Variants in MAGT1 observed in about 807,000 individuals in gnomAD.
MAGT1 encodes the protein magnesium transporter 1, also known as dolichyl-diphosphooligosaccharide--protein glycosyltransferase subunit MAGT1.
Under a neutral mutation model 28.4 loss-of-function variants are expected in MAGT1, and 4 were observed. The observed-to-expected ratio is 0.14, with a 90% CI of 0.07 to 0.32. The LOEUF (loss-of-function observed/expected upper bound fraction) is 0.32, where lower values mean the gene tolerates loss of function less well. Among genes scored for constraint, MAGT1 ranks in the 10% least tolerant of loss-of-function variants. The pLI, the probability that MAGT1 is intolerant of heterozygous loss-of-function variation, is 1.00. For synonymous variants in MAGT1, 89 were observed against 89.7 expected, an observed-to-expected ratio of 0.99 and a Z score of 0.04; for missense variants, 193 against 264.5, an observed-to-expected ratio of 0.73 and a Z score of 1.88.
chrX:77,845,805 A>C (rs1267448989), intron 7 of MAGT1, among the ~76,000 whole-genome samples: 2 of 112,015 alleles, frequency 1.8e-5, no homozygotes, highest in Non-Finnish European at 3.8e-5. Flanking sequence ...CTGAGAGATC[A>C]GCTGTTAGTC....
chrX:77,842,895 G>A (rs1355952309), intron 7 of MAGT1, among the ~76,000 whole-genome samples: 2 of 111,989 alleles, frequency 1.8e-5, no homozygotes, highest in Non-Finnish European at 3.8e-5. Context: ...CAGCTTAATA[G>A]GAGCTGCATA....
chrX:77,849,591 C>T (rs1603360912), intron 7 of MAGT1, among the ~76,000 whole-genome samples: 1 of 110,794 alleles, frequency 9.0e-6, no homozygotes, highest in East Asian at 2.9e-4. Context: ...TCAAACTGGA[C>T]TGGGCACCGT....
chrX:77,836,986 A>G lies in MAGT1; in HGVS notation c.901+4260T>C, dbSNP rs149821485. ...GTATCCTCCTCTTTTCATACATCTA[A>G]AAGTGCTTAGAGCAGTTCCCAGAAC... On this transcript the variant is annotated intron_variant, in intron 8 of 9. Coordinates refer to ENST00000618282, the MANE Select transcript of MAGT1 (RefSeq NM_001367916.1). Among the ~76,000 whole-genome samples, 9 of 112,228 alleles carry G rather than the reference A, an allele frequency of 8.0e-5. No homozygotes were observed. The East Asian group carries it at 2.5e-3, about 31-fold the overall frequency.
Position 77,827,291 on chromosome X carries a change from C to T in MAGT1, c.*1929G>A, listed in dbSNP as rs1045209122. Reference sequence around the variant, plus strand: ...TAAAAAAAATCCCTTCAAATTGGTACTTTGTTTCTCCACCTAAAGGAAGAG... The same window carrying T: ...TAAAAAAAATCCCTTCAAATTGGTATTTTGTTTCTCCACCTAAAGGAAGAG... On this transcript the variant is annotated 3_prime_UTR_variant, in exon 10 of 10. Coordinates refer to ENST00000618282, the MANE Select transcript of MAGT1 (RefSeq NM_001367916.1). 9.0e-6 allele frequency: 1 copy of T among 111,439 alleles called. No homozygotes were observed. The allele number at this position is 111,439 out of a possible 1,213,427, so 9.2% of individuals were successfully genotyped here. A position where few individuals can be genotyped will look rare whatever the true frequency, so the allele number is the denominator to read the frequency against.
intron 1 of MAGT1, among the ~76,000 whole-genome samples, chrX:77,889,714 G>A (rs1372139897): frequency 2.7e-5 from 3 of 110,758 alleles, no homozygotes; most frequent in Non-Finnish European, 5.7e-5. Context: ...TTTTGATACA[G>A]GCATGCAATG....
intron 3 of MAGT1, among the ~76,000 whole-genome samples, chrX:77,862,051 T>C (rs1267782991): frequency 8.1e-5 from 9 of 111,637 alleles, no homozygotes; most frequent in African/African-American, 2.9e-4. Flanking sequence ...TTATATTATA[T>C]ATATTTACAA....
intron 1 of MAGT1, among the ~76,000 whole-genome samples, chrX:77,889,129 C>T (rs1247637866): frequency 9.8e-6 from 1 of 102,527 alleles, no homozygotes; most frequent in Non-Finnish European, 2.0e-5. Context: ...CACACACCAC[C>T]ATGCTCTGCT....
At chrX:77,873,262 A>G (rs1385716363) in intron 2 of MAGT1, among the ~76,000 whole-genome samples, 2 of 112,088 alleles carry the variant, frequency 1.8e-5, no homozygotes, top group Non-Finnish European at 3.8e-5. Flanking sequence ...TCCAGGGAGA[A>G]AATCGTTAAA....
At chrX:77,893,437 T>C (rs1427053983) in intron 1 of MAGT1, among the ~76,000 whole-genome samples, 7 of 111,629 alleles carry the variant, frequency 6.3e-5, no homozygotes, top group Non-Finnish European at 1.3e-4. Context: ...TTCACCATAT[T>C]GACCATTTTA....
chrX:77,833,622 TGAAA>T (rs1403336760), intron 8 of MAGT1, among the ~76,000 whole-genome samples: 1 of 111,773 alleles, frequency 8.9e-6, no homozygotes, highest in African/African-American at 3.2e-5. Context: ...AAAACACTGC[TGAAA>T]GAAACTGAAG....
intron 7 of MAGT1, among the ~76,000 whole-genome samples, chrX:77,850,575 A>C (rs2076964821): frequency 9.2e-6 from 1 of 109,043 alleles, no homozygotes; most frequent in Non-Finnish European, 1.9e-5. Flanking sequence ...GGTACACAGC[A>C]CTTAAGTCAC....
At chrX:77,890,735 A>G (rs189271700) in intron 1 of MAGT1, among the ~76,000 whole-genome samples, 2 of 112,009 alleles carry the variant, frequency 1.8e-5, no homozygotes, top group East Asian at 5.6e-4. Flanking sequence ...CAGGTACTGC[A>G]TTAGGTACTT....
intron 8 of MAGT1, among the ~76,000 whole-genome samples, chrX:77,836,087 A>T (rs1259898776): frequency 9.0e-6 from 1 of 111,534 alleles, no homozygotes; most frequent in Non-Finnish European, 1.9e-5. Flanking sequence ...TACAGGAGTG[A>T]GCCACCATGC....
chrX:77,860,978 C>T (rs1557216427), intron 3 of MAGT1, among the ~76,000 whole-genome samples: 3 of 110,115 alleles, frequency 2.7e-5, no homozygotes. Context: ...GAGTCCGCAA[C>T]CAGCCTGACC....
intron 9 of MAGT1, 62 bp downstream of exon 9, chrX:77,830,743 T>C (rs1173822116): frequency 6.7e-6 from 4 of 594,947 alleles, no homozygotes; most frequent in Admixed American, 5.6e-5. Context: ...TATAAAGCAA[T>C]ATCAACTCTA....
intron 1 of MAGT1, among the ~76,000 whole-genome samples, chrX:77,889,140 A>ATTTTT (rs782124850): frequency 2.9e-5 from 2 of 68,281 alleles, no homozygotes; most frequent in African/African-American, 1.1e-4. Context: ...ATGCTCTGCT[A>ATTTTT]TTTTTTTTTT....
chrX:77,845,294 T>C (rs782438447), intron 7 of MAGT1, among the ~76,000 whole-genome samples: 1 of 111,652 alleles, frequency 9.0e-6, no homozygotes, highest in South Asian at 3.8e-4. Flanking sequence ...ATTTGCTTGG[T>C]AGATCTTCCT....
chrX:77,880,298 G>A (rs1323210727), intron 1 of MAGT1, among the ~76,000 whole-genome samples: 1 of 106,213 alleles, frequency 9.4e-6, no homozygotes, highest in Non-Finnish European at 1.9e-5. Flanking sequence ...GGGAGGCCAA[G>A]GCGGGCAGAT....
At chrX:77,848,406 G>A (rs1321086922) in intron 7 of MAGT1, among the ~76,000 whole-genome samples, 7 of 112,299 alleles carry the variant, frequency 6.2e-5, no homozygotes, top group South Asian at 7.2e-4. Flanking sequence ...TGGCCAAGAC[G>A]GGTGGATCAC....
Sources: gnomAD v4.1 joint callset for allele counts (sites outside exome capture counted in the v4.1 genomes callset) on GRCh38, gnomAD v4.1.1 for gene constraint, MANE v1.5 for transcripts, NCBI Gene and HGNC (gene_info 2026-07-23, HGNC 2026-07-21) for gene names.